Variants in LRCH3 observed in about 807,000 individuals in gnomAD.
LRCH3 encodes the protein DISP complex protein LRCH3.
In LRCH3, 68 loss-of-function variants were observed where a neutral mutation model predicts 104.5. The observed-to-expected ratio is 0.65, with a 90% confidence interval of 0.54 to 0.80. The LOEUF (loss-of-function observed/expected upper bound fraction) is 0.80, where lower values mean the gene tolerates loss of function less well. Ranked by LOEUF, LRCH3 falls within the 30% of genes least tolerant of loss-of-function variation. The probability of loss-of-function intolerance (pLI) is 0.00; values close to 1 mark genes in which losing one functional copy is unlikely to be tolerated. For missense variants in LRCH3, 951 were observed against 953.9 expected (o/e 1.00, Z 0.04); for synonymous variants, 344 against 361.3 (o/e 0.95, Z 0.54).
At chr3:197,826,447 G>T (rs778305079) in intron 4 of LRCH3, among the ~76,000 whole-genome samples, 11 of 152,154 alleles carry the variant, frequency 7.2e-5, no homozygotes, top group Non-Finnish European at 1.5e-4. Context: ...TTAGTTCCGA[G>T]CATTTTTGAT....
chr3:197,791,873 G>T (rs1000423391), intron 1 of LRCH3, among the ~76,000 whole-genome samples: 6 of 152,308 alleles, frequency 3.9e-5, no homozygotes, highest in Admixed American at 2.6e-4. Context: ...TCGGATTTGG[G>T]GTGCCGAATG....
intron 4 of LRCH3, among the ~76,000 whole-genome samples, 178 bp downstream of exon 4, chr3:197,820,608 C>T (rs1033476462): frequency 4.6e-5 from 7 of 152,122 alleles, no homozygotes; most frequent in African/African-American, 1.2e-4. Context: ...CCCAGGAATT[C>T]GAGACCAGCC....
chr3:197,824,778 G>C (rs532102714), intron 4 of LRCH3, among the ~76,000 whole-genome samples: 1 of 151,562 alleles, frequency 6.6e-6, no homozygotes, highest in African/African-American at 2.4e-5. Context: ...TACCATCTTG[G>C]CCAGGCTGGT....
chr3:197,827,678 T>G (rs1735385199), intron 5 of LRCH3, among the ~76,000 whole-genome samples: 2 of 152,232 alleles, frequency 1.3e-5, no homozygotes, highest in South Asian at 4.1e-4. Context: ...AATTCTTCCC[T>G]AAATTTTTTT....
At chr3:197,813,051 T>C (rs1733371255) in intron 1 of LRCH3, among the ~76,000 whole-genome samples, 1 of 152,216 alleles carries the variant, frequency 6.6e-6, no homozygotes, top group Non-Finnish European at 1.5e-5. Context: ...TTTTTAATAA[T>C]AGTTATCTGA....
At chr3:197,871,586 C>A in intron 19 of LRCH3, 124 bp downstream of exon 19, 1 of 1,292,064 alleles carries the variant, frequency 7.7e-7, no homozygotes, top group Non-Finnish European at 1.1e-6. Context: ...CAGTCTCTAC[C>A]TTCCTGGTCT....
intron 12 of LRCH3, among the ~76,000 whole-genome samples, chr3:197,851,148 C>T (rs1182207304): frequency 6.6e-6 from 1 of 152,110 alleles, no homozygotes; most frequent in Admixed American, 6.5e-5. Context: ...TGCTGCCTCT[C>T]GGTAATAATG....
chr3:197,878,600 C>T (rs1005030102), intron 20 of LRCH3, among the ~76,000 whole-genome samples: 3 of 152,190 alleles, frequency 2.0e-5, no homozygotes, highest in Non-Finnish European at 2.9e-5. Flanking sequence ...CCTTCCACCT[C>T]CCACCCACGT....
intron 3 of LRCH3, 58 bp downstream of exon 3, chr3:197,817,360 G>GTGTGTGTGTGTGTGTATATATA: frequency 1.4e-5 from 1 of 70,058 alleles, no homozygotes; most frequent in African/African-American, 8.8e-5. Context: ...GTGTGTGTGT[G>GTGTGTGTGTGTGTGTATATATA]TATATATATA....
At chr3:197,816,708 G>C (rs1166075516) in intron 2 of LRCH3, among the ~76,000 whole-genome samples, 1 of 152,036 alleles carries the variant, frequency 6.6e-6, no homozygotes, top group Non-Finnish European at 1.5e-5. Context: ...TTTCCACAGA[G>C]CTACATTTTC....
chr3:197,814,597 C>A (rs1733600619), intron 1 of LRCH3, among the ~76,000 whole-genome samples: 2 of 152,138 alleles, frequency 1.3e-5, no homozygotes, highest in Admixed American at 1.3e-4. Context: ...AAAGATGGTT[C>A]CTGAGTCTTT....
chr3:197,838,060 CA>C (rs35208899), intron 9 of LRCH3, among the ~76,000 whole-genome samples: 12,145 of 142,714 alleles, frequency 0.085, 1,009 homozygotes, highest in African/African-American at 0.22. Context: ...ATTCTGTATC[CA>C]AAAAAAAAAA....
chr3:197,854,347 C>T lies in LRCH3; in HGVS notation c.1591-45C>T, dbSNP rs754341889. 12 of 1,521,230 alleles carry T rather than the reference C, an allele frequency of 7.9e-6. No individual in the cohort carries two copies. The highest frequency in any genetic ancestry group is 1.7e-4 in the Middle Eastern group (1 of 5,886). 94.2% of individuals were successfully genotyped at this position (1,521,230 alleles called of 1,614,324 possible). On this transcript the variant is annotated intron_variant, in intron 13 of 20. Transcript: ENST00000425562. The surrounding 1 kb of genome is among the most constrained non-coding windows in gnomAD (Gnocchi z 4.5). ...ATTCGTGAAATACGTCACACGTGTGCGTAGTTTGTTTCTGACATGGCTTCA... is the reference window on the plus strand; with the variant it reads ...ATTCGTGAAATACGTCACACGTGTGTGTAGTTTGTTTCTGACATGGCTTCA...
chr3:197,834,910 A>G (rs1736489860), intron 8 of LRCH3, among the ~76,000 whole-genome samples: 1 of 152,114 alleles, frequency 6.6e-6, no homozygotes, highest in Non-Finnish European at 1.5e-5. Context: ...TTGGGTGGCC[A>G]CAGTGGGCGG....
chr3:197,873,847 C>T (rs1712535957), intron 19 of LRCH3, among the ~76,000 whole-genome samples: 1 of 151,884 alleles, frequency 6.6e-6, no homozygotes, highest in African/African-American at 2.4e-5. Context: ...ATGATGAAAC[C>T]CCATCTCTAC....
At position 197,835,700 on chromosome 3, in the gene LRCH3, T is replaced by G. The variant is rs758870680; in HGVS notation, c.1129T>G (p.Tyr377Asp). The part of the protein sequence containing the change: ...GVEHDLDQID[Y>D]IDSCTAEEEE... ...GGAACATGATCTGGATCAGATTGAC[T>G]ACATAGACAGCTGCACCGCAGAGGA... Residue 377 changes from tyrosine (Y) to aspartate (D), a missense_variant, in exon 9 of 21, where the codon TAC (tyrosine) becomes GAC (aspartate). Transcript: ENST00000425562. The G allele has an allele frequency of 9.3e-6, 15 of 1,613,656 alleles. No homozygotes were observed. Among genetic ancestry groups the G allele is most frequent in the Middle Eastern group, 1.6e-4 (1 of 6,082 alleles).
rs113711406 is a variant in LRCH3 at position 197,800,958 on chromosome 3, G to T, written c.262+9418G>T. Among the ~76,000 whole-genome samples, 443 of 152,158 alleles carry T rather than the reference G, an allele frequency of 2.9e-3. 2 individuals carry two copies. The highest frequency in any genetic ancestry group is 5.2e-3 in the South Asian group (25 of 4,808). On this transcript the variant is annotated intron_variant, in intron 1 of 20. Coordinates refer to ENST00000425562, the MANE Select transcript of LRCH3 (RefSeq NM_001365715.1). ...AAAATACAAAAAATTAGCCGGGTGT[G>T]GTGGCGGGCGCCTGTAATTTTAGCT...
intron 10 of LRCH3, among the ~76,000 whole-genome samples, chr3:197,844,934 T>G (rs898476299): frequency 1.2e-4 from 18 of 151,600 alleles, no homozygotes; most frequent in Admixed American, 2.6e-4. Context: ...TGCTGATAGG[T>G]TTAATAAGGG....
chr3:197,847,580 C>T (rs896476720), intron 11 of LRCH3, 120 bp downstream of exon 11: 49 of 549,672 alleles, frequency 8.9e-5, no homozygotes, highest in Non-Finnish European at 1.2e-4. Flanking sequence ...CTGTCTCAAT[C>T]GATTAATATA....
Sources: allele counts gnomAD v4.1 joint callset (sites outside exome capture counted in the v4.1 genomes callset), GRCh38; gene constraint gnomAD v4.1.1; non-coding constraint Gnocchi (gnomAD v3.1); transcripts MANE v1.5; gene names NCBI Gene and HGNC (gene_info 2026-07-23, HGNC 2026-07-21).